The following TMPO variants were observed in gnomAD, a reference collection of about 807,000 sequenced individuals.
TMPO encodes the protein thymopoietin.
TMPO carries 22 observed loss-of-function variants against 45.4 expected under a neutral mutation model. The ratio of observed to expected loss-of-function variants is 0.48; its 90% confidence interval spans 0.35 to 0.69. The LOEUF (loss-of-function observed/expected upper bound fraction) is 0.69. Ranked by LOEUF, TMPO falls within the 30% of genes least tolerant of loss-of-function variation. The pLI is 0.01. For missense variants in TMPO, 512 were observed against 548.8 expected (o/e 0.93, Z 0.67); for synonymous variants, 241 against 204.1 (o/e 1.18, Z -1.54).
chr12:98,517,438 TG>T (rs1446963135), intron 1 of TMPO, among the ~76,000 whole-genome samples: 3 of 152,228 alleles, frequency 2.0e-5, no homozygotes, highest in African/African-American at 7.2e-5. Flanking sequence ...TAAAATGCCT[TG>T]TAAGAGACAG....
intron 1 of TMPO, among the ~76,000 whole-genome samples, chr12:98,526,448 A>G (rs552733830): frequency 1.3e-5 from 2 of 152,334 alleles, no homozygotes; most frequent in Admixed American, 6.5e-5. Flanking sequence ...TCTCTAGATT[A>G]CTTATAACGC....
At position 98,546,524 on chromosome 12, in the gene TMPO, A is replaced by G. The variant is rs150040510; in HGVS notation, c.1079+77A>G. 15 of 1,146,612 alleles carry G rather than the reference A, an allele frequency of 1.3e-5. No individual in the cohort carries two copies. The African/African-American group carries it at 2.1e-4, about 16-fold the overall frequency. The allele number at this position is 1,146,612 out of a possible 1,614,324, so 71.0% of individuals were successfully genotyped here. ...ATTTTTAATTCTTCATCACAAAGTT[A>G]CTGTACTTCTGCTCAGAATTAAGCT... On this transcript the variant is annotated intron_variant, in intron 8 of 8. Transcript: ENST00000556029.
At position 98,531,724 on chromosome 12, in the gene TMPO, G is replaced by A; in HGVS notation, c.451G>A (p.Glu151Lys). Residue 151 changes from glutamate (E) to lysine (K), a missense_variant, in exon 3 of 9, where the codon GAA becomes AAA. By Grantham distance (56) the Glu-to-Lys change is moderately conservative. Around this residue, in one of 3 missense-constraint regions of TMPO, gnomAD observed 299 missense variants for 296.7 expected, o/e 1.01. Coordinates refer to ENST00000556029, the MANE Select transcript of TMPO (RefSeq NM_001032283.3). ...LYEKKLLKLREQGTESRSSTP... is the reference protein window; with the variant it reads ...LYEKKLLKLRKQGTESRSSTP... ...TGAGAAAAAGCTTTTGAAACTGAGG[G>A]AACAAGGAACAGAATCAAGATCTTC... 1 of 1,613,330 alleles carries A rather than the reference G, an allele frequency of 6.2e-7. No individual in the cohort carries two copies. The highest frequency in any genetic ancestry group is 1.1e-5 in the South Asian group (1 of 91,064).
chr12:98,517,175 C>T (rs1200197327), intron 1 of TMPO, among the ~76,000 whole-genome samples: 2 of 152,158 alleles, frequency 1.3e-5, no homozygotes, highest in Non-Finnish European at 2.9e-5. Flanking sequence ...GTAAATTTTG[C>T]TTGAGGAAAC....
rs745484180 is a variant in TMPO at position 98,533,905 on chromosome 12, C to T, written c.565+2067C>T. ...AGGGTTTATTTCTGAAGCCACTCCA[C>T]TAGGAGGTATTCAAGCAGCCTCCAC... On this transcript the variant is annotated intron_variant, in intron 3 of 8. Coordinates refer to ENST00000556029, the MANE Select transcript of TMPO (RefSeq NM_001032283.3). The T allele has an allele frequency of 1.2e-6, 2 of 1,614,128 alleles. No individual in the cohort carries two copies. Among genetic ancestry groups the T allele is most frequent in the Non-Finnish European group, 1.7e-6 (2 of 1,179,992 alleles).
At chr12:98,516,765 C>A (rs988532285) in intron 1 of TMPO, among the ~76,000 whole-genome samples, 1 of 152,166 alleles carries the variant, frequency 6.6e-6, no homozygotes, top group East Asian at 1.9e-4. Context: ...TTAAAAGGAG[C>A]ATTTTAAACT....
intron 7 of TMPO, among the ~76,000 whole-genome samples, chr12:98,545,755 C>T (rs754476291): frequency 2.0e-5 from 3 of 149,954 alleles, no homozygotes; most frequent in Admixed American, 6.6e-5. Flanking sequence ...TTTTTTGAAA[C>T]GGAGTCTTGC....
chr12:98,544,613 A>AT (rs1351761703), intron 6 of TMPO, 76 bp downstream of exon 6: 15 of 1,202,098 alleles, frequency 1.2e-5, no homozygotes, highest in Non-Finnish European at 1.2e-5. Flanking sequence ...GAGGTGGTGA[A>AT]TTTTGGCAAA....
chr12:98,517,276 A>T lies in TMPO; in HGVS notation c.279+1130A>T, dbSNP rs907841363. Among the ~76,000 whole-genome samples, 4 of 152,224 alleles carry T rather than the reference A, an allele frequency of 2.6e-5. No homozygotes were observed. The South Asian group carries it at 8.3e-4, about 32-fold the overall frequency. Reference sequence around the variant, plus strand: ...AATGTCTGATCCTGGTTAAATCTCAAATCGGCTCCAGCAAAGCATGTTTTG... The same window carrying T: ...AATGTCTGATCCTGGTTAAATCTCATATCGGCTCCAGCAAAGCATGTTTTG... On this transcript the variant is annotated intron_variant, in intron 1 of 8. Transcript: ENST00000556029.
chr12:98,535,275 A>G, intron 3 of TMPO: 3 of 982,382 alleles, frequency 3.1e-6, no homozygotes, highest in Non-Finnish European at 2.4e-6. Flanking sequence ...AAAGCAAATT[A>G]AATTTTTTTA....
intron 1 of TMPO, among the ~76,000 whole-genome samples, chr12:98,517,566 C>T (rs1158940953): frequency 6.6e-6 from 1 of 152,202 alleles, no homozygotes; most frequent in Non-Finnish European, 1.5e-5. Context: ...CCCGGCTACT[C>T]AGGCAGAAAT....
chr12:98,527,673 T>C, intron 1 of TMPO: 1 of 547,022 alleles, frequency 1.8e-6, no homozygotes, highest in East Asian at 3.2e-5. Flanking sequence ...TGTCTTTAAG[T>C]TACTTGCTTG....
chr12:98,535,491 T>G, intron 3 of TMPO: 1 of 985,400 alleles, frequency 1.0e-6, no homozygotes, highest in Non-Finnish European at 1.2e-6. Flanking sequence ...TGTCCATCTT[T>G]GCAGCTTTCT....
intron 2 of TMPO, among the ~76,000 whole-genome samples, chr12:98,529,539 A>C (rs965163273): frequency 2.6e-5 from 4 of 152,094 alleles, no homozygotes; most frequent in Non-Finnish European, 2.9e-5. Context: ...TCTTAGCAAT[A>C]ACCTCAAGAT....
At chr12:98,535,276 A>C (rs1877500264) in intron 3 of TMPO, 1 of 982,718 alleles carries the variant, frequency 1.0e-6, no homozygotes, top group African/African-American at 1.7e-5. Flanking sequence ...AAGCAAATTA[A>C]ATTTTTTTAA....
intron 1 of TMPO, among the ~76,000 whole-genome samples, chr12:98,525,569 C>T (rs1258458095): frequency 6.6e-6 from 1 of 151,926 alleles, no homozygotes; most frequent in African/African-American, 2.4e-5. Context: ...GCTGAAACCC[C>T]GTCTCTACTA....
At position 98,539,300 on chromosome 12, in the gene TMPO, G is replaced by A. The variant is rs77757635; in HGVS notation, c.663+1728G>A. On this transcript the variant is annotated intron_variant, in intron 4 of 8. Transcript: ENST00000556029. ...GAGCAGAATAAATAGTCAAAGGAGT[G>A]TAGGTTTAGATGACAGGCAGAATTA... Among the ~76,000 whole-genome samples, 1,200 of 152,170 alleles carry A rather than the reference G, an allele frequency of 7.9e-3. 7 individuals are homozygous for A. The highest frequency in any genetic ancestry group is 0.013 in the Non-Finnish European group (898 of 67,996).
In TMPO at chr12:98,545,123, T is replaced by G. The variant is rs1878148885; in HGVS notation, c.990+62T>G. 5 of 1,278,376 alleles carry G rather than the reference T, an allele frequency of 3.9e-6. No individual in the cohort carries two copies. In the Admixed American group the frequency reaches 6.1e-5, roughly 16 times the overall value. The allele number at this position is 1,278,376 out of a possible 1,614,324, so 79.2% of individuals were successfully genotyped here. A position where few individuals can be genotyped will look rare whatever the true frequency, so the allele number is the denominator to read the frequency against. The stretch of plus-strand genomic sequence containing the variant: ...TCTTTCAAAGAGGAAATATAAATAT[T>G]TGTTTGTTTTTTTTTTTTTTTTTTG... On this transcript the variant is annotated intron_variant, in intron 7 of 8. Coordinates refer to ENST00000556029, the MANE Select transcript of TMPO (RefSeq NM_001032283.3).
intron 1 of TMPO, among the ~76,000 whole-genome samples, chr12:98,527,018 A>G (rs1206690152): frequency 6.6e-6 from 1 of 152,090 alleles, no homozygotes; most frequent in Non-Finnish European, 1.5e-5. Flanking sequence ...GTAAGCCTGT[A>G]TGGTAAAGTC....
Sources: allele counts gnomAD v4.1 joint callset (sites outside exome capture counted in the v4.1 genomes callset), GRCh38; gene constraint gnomAD v4.1.1; regional missense constraint gnomAD v4.1.1; transcripts MANE v1.5; gene names NCBI Gene and HGNC (gene_info 2026-07-23, HGNC 2026-07-21).